C4orf54: variants seen among roughly 807,000 people sequenced by gnomAD.
The protein encoded by C4orf54 is uncharacterized protein C4orf54.
Under a neutral mutation model 80.1 loss-of-function variants are expected in C4orf54, and 67 were observed. That is an observed-to-expected ratio of 0.84 (90% CI 0.69 to 1.03). C4orf54 has a LOEUF of 1.03. Ranked by LOEUF, C4orf54 falls within the 50% of genes least tolerant of loss-of-function variation. C4orf54 has a pLI of 0.00. For missense variants in C4orf54, 2,434 were observed against 2,253.5 expected, an observed-to-expected ratio of 1.08 and a Z score of -1.62; for synonymous variants, 1,000 against 917.0, an observed-to-expected ratio of 1.09 and a Z score of -1.64.
rs1345875412 is a variant in C4orf54 at position 99,650,500 on chromosome 4, T to C, written c.4149A>G (p.Gln1383=). Residue 1383 remains glutamine (Q), a synonymous_variant, in exon 2 of 3, where the codon CAA becomes CAG. Coordinates refer to ENST00000511828, the MANE Select transcript of C4orf54 (RefSeq NM_001354435.2). The part of the protein sequence containing the change: ...PPVHKDVERT[Q]PLQPLPPLPS... The stretch of plus-strand genomic sequence containing the variant: ...GGAGTGGTGGGAGGGGCTGCAGGGG[T>C]TGGGTTCTCTCTACATCCTTGTGGA... 2 of 1,535,904 alleles carry C rather than the reference T, an allele frequency of 1.3e-6. No homozygotes were observed. Among genetic ancestry groups the C allele is most frequent in the South Asian group, 2.4e-5 (2 of 84,044 alleles).
At chr4:99,644,545 A>G (rs2110248935) in intron 2 of C4orf54, among the ~76,000 whole-genome samples, 1 of 152,324 alleles carries the variant, frequency 6.6e-6, no homozygotes, top group African/African-American at 2.4e-5. Context: ...CATGAAGGTA[A>G]CTATGGAATG....
At chr4:99,655,920 A>G (rs924485236) in intron 1 of C4orf54, among the ~76,000 whole-genome samples, 1 of 152,158 alleles carries the variant, frequency 6.6e-6, no homozygotes. Context: ...TGCCACCTCC[A>G]CACAGAAAAA....
chr4:99,652,380 G>A lies in C4orf54; in HGVS notation c.2269C>T (p.Arg757Cys), dbSNP rs924361951. The A allele has an allele frequency of 5.9e-6, 9 of 1,536,084 alleles. No homozygotes were observed. Among genetic ancestry groups the A allele is most frequent in the African/African-American group, 1.4e-5 (1 of 73,168 alleles). ...VVTLLEPLNVRSESKASSAPG... is the reference protein window; with the variant it reads ...VVTLLEPLNVCSESKASSAPG... ...GCCGAGCTGGCTTTGCTCTCACTGC[G>A]TACATTCAGGGGCTCCAAAAGGGTG... Residue 757 changes from arginine to cysteine, a missense_variant, in exon 2 of 3, where the codon CGC becomes TGC. Transcript: ENST00000511828.
Position 99,650,610 on chromosome 4 carries a change from G to T in C4orf54, c.4039C>A (p.Pro1347Thr), listed in dbSNP as rs1474725916. 2 of 1,536,050 alleles carry T rather than the reference G, an allele frequency of 1.3e-6. No homozygotes were observed. The highest frequency in any genetic ancestry group is 3.9e-5 in the Admixed American group (2 of 51,004). Residue 1347 changes from proline to threonine, a missense_variant, in exon 2 of 3, where the codon CCC becomes ACC. Coordinates refer to ENST00000511828, the MANE Select transcript of C4orf54 (RefSeq NM_001354435.2). ...CTGGCAGACACACTCTCAGCGCTGG[G>T]GTTGGAGTTTCTCCGCTGCAGACGT... ...IERLQRRNSN[P>T]SAESVSARAA...
At position 99,652,524 on chromosome 4, in the gene C4orf54, A is replaced by G. The variant is rs1437101428; in HGVS notation, c.2125T>C (p.Ser709Pro). Residue 709 changes from serine to proline, a missense_variant, in exon 2 of 3, where the codon TCC (serine) becomes CCC (proline). Physicochemically the swap from Ser to Pro is moderately conservative, Grantham distance 74. Coordinates refer to ENST00000511828, the MANE Select transcript of C4orf54 (RefSeq NM_001354435.2). ...AAGGCCTTGGTCTGAGACTTCTTGGACTGGATGTAGAGCTGGTCGGCAGTG... is the reference window on the plus strand; with the variant it reads ...AAGGCCTTGGTCTGAGACTTCTTGGGCTGGATGTAGAGCTGGTCGGCAGTG... ...RATADQLYIQ[S>P]KKSQTKALEF... 6.5e-7 allele frequency: 1 copy of G among 1,535,812 alleles called. No homozygotes were observed. The highest frequency in any genetic ancestry group is 2.4e-5 in the East Asian group (1 of 40,884).
chr4:99,644,408 G>C (rs1726662973), intron 2 of C4orf54, among the ~76,000 whole-genome samples: 1 of 152,094 alleles, frequency 6.6e-6, no homozygotes, highest in South Asian at 2.1e-4. Flanking sequence ...AAGGGAAAGG[G>C]AGAAAAGAAA....
chr4:99,648,746 CT>C (rs1726741562), intron 2 of C4orf54, among the ~76,000 whole-genome samples: 1 of 152,154 alleles, frequency 6.6e-6, no homozygotes, highest in East Asian at 1.9e-4. Context: ...GAAAATGTTC[CT>C]ACAAGAAAAC....
rs1230125557 is a variant in C4orf54 at position 99,651,896 on chromosome 4, T to G, written c.2753A>C (p.His918Pro). ...CTTTTTAATTTCACACACTTCTGTG[T>G]GTCCATCGGTGAAATTCCGGCCAGG... The part of the protein sequence containing the change: ...AGPGRNFTDG[H>P]TEVCEIKKSA... Residue 918 changes from histidine to proline, a missense_variant, in exon 2 of 3, where the codon CAC becomes CCC. His to Pro is a moderately conservative substitution (Grantham distance 77, BLOSUM62 -2). Transcript: ENST00000511828. 6.5e-7 allele frequency: 1 copy of G among 1,536,126 alleles called. No individual in the cohort carries two copies. The highest frequency in any genetic ancestry group is 8.7e-7 in the Non-Finnish European group (1 of 1,146,908).
At position 99,653,299 on chromosome 4, in the gene C4orf54, G is replaced by A. The variant is rs1336991335; in HGVS notation, c.1350C>T (p.Ser450=). ...GGCCTGCATTGGGGCGGGCCAGGTC[G>A]CTGCTTGTAGGGCTGGGCGTCCGGG... The part of the protein sequence containing the change: ...NTTRTPSPTS[S]DLARPNAGRS... The change falls in exon 2 of 3, where the codon AGC becomes AGT. Residue 450 remains serine (S), a synonymous_variant. Transcript: ENST00000511828. 2.0e-6 allele frequency: 3 copies of A among 1,530,888 alleles called. No homozygotes were observed. Among genetic ancestry groups the A allele is most frequent in the Middle Eastern group, 1.7e-4 (1 of 5,992 alleles). 94.8% of individuals were successfully genotyped at this position (1,530,888 alleles called of 1,614,324 possible).
In C4orf54 at chr4:99,652,918, C is replaced by T; in HGVS notation, c.1731G>A (p.Gln577=). ...CAGCAATGAATTTCTTTGCATGGTCCTGAGCCACTGCTGCAGCCGGGTTTT... is the reference window on the plus strand; with the variant it reads ...CAGCAATGAATTTCTTTGCATGGTCTTGAGCCACTGCTGCAGCCGGGTTTT... ...LKQNPAAAVA[Q]DHAKKFIAVP... Residue 577 remains glutamine (Q), a synonymous_variant, in exon 2 of 3, where the codon CAG becomes CAA. Coordinates refer to ENST00000511828, the MANE Select transcript of C4orf54 (RefSeq NM_001354435.2). The T allele has an allele frequency of 6.5e-7, 1 of 1,536,154 alleles. No homozygotes were observed. The highest frequency in any genetic ancestry group is 2.4e-5 in the East Asian group (1 of 40,904).
intron 2 of C4orf54, among the ~76,000 whole-genome samples, chr4:99,642,108 T>A (rs1216998760): frequency 6.6e-6 from 1 of 152,236 alleles, no homozygotes. Context: ...ACTCCATGTT[T>A]ATTTTATTGT....
Position 99,651,943 on chromosome 4 carries a change from A to G in C4orf54, c.2706T>C (p.Thr902=). The change falls in exon 2 of 3, where the codon ACT becomes ACC. Residue 902 remains threonine (T), a synonymous_variant. Coordinates refer to ENST00000511828, the MANE Select transcript of C4orf54 (RefSeq NM_001354435.2). ...CAGGGCCTGCGTTGCGCTCGCGAGGAGTACTGGCTTTGAAGACTGGAGATT... is the reference window on the plus strand; with the variant it reads ...CAGGGCCTGCGTTGCGCTCGCGAGGGGTACTGGCTTTGAAGACTGGAGATT... ...GSKSPVFKAS[T]PRERNAGPGR... is the part of the protein sequence containing the mutation. The G allele has an allele frequency of 6.5e-7, 1 of 1,536,052 alleles. No homozygotes were observed. The highest frequency in any genetic ancestry group is 8.7e-7 in the Non-Finnish European group (1 of 1,146,890).
Position 99,651,733 on chromosome 4 carries a change from C to T in C4orf54, c.2916G>A (p.Trp972Ter). ...GKLKLPKGGDWRADLGEISAS... is the reference protein window; with the variant it reads ...GKLKLPKGGD ...CAGAAATCTCCCCGAGATCAGCCCGCCAGTCGCCTCCTTTGGGCAGCTTCA... is the reference window on the plus strand; with the variant it reads ...CAGAAATCTCCCCGAGATCAGCCCGTCAGTCGCCTCCTTTGGGCAGCTTCA... The change falls in exon 2 of 3, where the codon TGG becomes TGA. Residue 972 changes from tryptophan to a stop codon, truncating the protein, a stop_gained. Coordinates refer to ENST00000511828, the MANE Select transcript of C4orf54 (RefSeq NM_001354435.2). LOFTEE classifies it high-confidence loss of function. 1.3e-6 allele frequency: 2 copies of T among 1,536,116 alleles called. No individual in the cohort carries two copies. Among genetic ancestry groups the T allele is most frequent in the Non-Finnish European group, 8.7e-7 (1 of 1,146,908 alleles).
At chr4:99,656,845 A>G (rs1726987290) in intron 1 of C4orf54, among the ~76,000 whole-genome samples, 1 of 152,210 alleles carries the variant, frequency 6.6e-6, no homozygotes, top group African/African-American at 2.4e-5. Context: ...ATTATGCTAC[A>G]CAGTGTTGCT....
In C4orf54 at chr4:99,639,384, CATAAG is replaced by C. The variant is rs1309819264; in HGVS notation, c.*1844_*1848del. 6.6e-6 allele frequency: 1 copy of C among 152,054 alleles called. No homozygotes were observed. The highest frequency in any genetic ancestry group is 2.4e-5 in the African/African-American group (1 of 41,424). 9.4% of individuals were successfully genotyped at this position (152,054 alleles called of 1,614,324 possible). A position where few individuals can be genotyped will look rare whatever the true frequency, so the allele number is the denominator to read the frequency against. On this transcript the variant is annotated 3_prime_UTR_variant, in exon 3 of 3. Coordinates refer to ENST00000511828, the MANE Select transcript of C4orf54 (RefSeq NM_001354435.2). ...CCTGAAAACGAGGAAGCTCTGATGC[CATAAG>C]ATTTGTTCCCCAGTGGATAAAACTT...
chr4:99,654,918 C>G (rs1252113278), intron 1 of C4orf54, among the ~76,000 whole-genome samples: 1 of 152,172 alleles, frequency 6.6e-6, no homozygotes, highest in Non-Finnish European at 1.5e-5. Context: ...ATCTTTCACT[C>G]TCAAGTTTTT....
At chr4:99,656,856 G>T (rs1218442706) in intron 1 of C4orf54, among the ~76,000 whole-genome samples, 1 of 152,180 alleles carries the variant, frequency 6.6e-6, no homozygotes, top group Admixed American at 6.5e-5. Flanking sequence ...CAGTGTTGCT[G>T]ACTTCCATGC....
rs1157991946 is a variant in C4orf54 at position 99,637,307 on chromosome 4, A to G, written c.*3926T>C. On this transcript the variant is annotated 3_prime_UTR_variant, in exon 3 of 3. Coordinates refer to ENST00000511828, the MANE Select transcript of C4orf54 (RefSeq NM_001354435.2). ...GAAATACTGAATGTTAATAGCTTAC[A>G]AACGCTGCTCTGAACATTCAGTTCT... is the stretch of plus-strand genomic sequence containing the variant. 1 of 152,236 alleles carries G rather than the reference A, an allele frequency of 6.6e-6. No homozygotes were observed. The highest frequency in any genetic ancestry group is 1.5e-5 in the Non-Finnish European group (1 of 68,036). 9.4% of individuals were successfully genotyped at this position (152,236 alleles called of 1,614,324 possible).
At position 99,651,994 on chromosome 4, in the gene C4orf54, G is replaced by T. The variant is rs1413266077; in HGVS notation, c.2655C>A (p.Gly885=). The T allele has an allele frequency of 2.0e-6, 3 of 1,536,094 alleles. No homozygotes were observed. Among genetic ancestry groups the T allele is most frequent in the African/African-American group, 1.4e-5 (1 of 73,160 alleles). The change falls in exon 2 of 3, where the codon GGC becomes GGA. Residue 885 remains glycine (G), a synonymous_variant. Transcript: ENST00000511828. ...EYTVVSMSDA[G]GEGSVAGSKS... is the part of the protein sequence containing the mutation. ...TGGAGCCCGCCACGGACCCCTCCCC[G>T]CCCGCGTCGGACATGCTGACCACTG...
Sources: allele counts gnomAD v4.1 joint callset (sites outside exome capture counted in the v4.1 genomes callset), GRCh38; gene constraint gnomAD v4.1.1; transcripts MANE v1.5; gene names NCBI Gene and HGNC (gene_info 2026-07-23, HGNC 2026-07-21).